ARHGAP8: variants seen among roughly 807,000 people sequenced by gnomAD.
ARHGAP8 encodes the protein Rho GTPase activating protein 8, also known as rho GTPase-activating protein 8.
Under a neutral mutation model 46.1 loss-of-function variants are expected in ARHGAP8, and 62 were observed. The ratio of observed to expected loss-of-function variants is 1.34; its 90% CI spans 1.10 to 1.66. The LOEUF (loss-of-function observed/expected upper bound fraction) is 1.66. Among genes scored for constraint, ARHGAP8 ranks in the 40% most tolerant of loss-of-function variants. ARHGAP8 has a pLI of 0.00. For synonymous variants in ARHGAP8, 375 were observed against 243.1 expected (o/e 1.54, Z -5.05); for missense variants, 923 against 568.4 (o/e 1.62, Z -6.34).
intron 2 of ARHGAP8, among the ~76,000 whole-genome samples, chr22:44,795,042 A>C (rs77858179): frequency 6.7e-6 from 1 of 148,618 alleles, no homozygotes; most frequent in African/African-American, 2.5e-5. Context: ...CTCTGTCTCA[A>C]AAAAAAAAAA....
In ARHGAP8 at chr22:44,859,717, C is replaced by A; in HGVS notation, c.878-14C>A. ...CCCCTCTGGAGCTCAGCAGGGAGCC[C>A]CATGCCCTTCCAGGTGTGGAGAGCA... On this transcript the variant is annotated splice_polypyrimidine_tract_variant and intron_variant, in intron 10 of 11. Coordinates refer to ENST00000356099, the MANE Select transcript of ARHGAP8 (RefSeq NM_181335.3). 1 of 1,612,566 alleles carries A rather than the reference C, an allele frequency of 6.2e-7. No individual in the cohort carries two copies. Among genetic ancestry groups the A allele is most frequent in the South Asian group, 1.1e-5 (1 of 91,024 alleles).
At chr22:44,837,421 C>T (rs1362270126) in intron 7 of ARHGAP8, among the ~76,000 whole-genome samples, 1 of 152,160 alleles carries the variant, frequency 6.6e-6, no homozygotes, top group African/African-American at 2.4e-5. Context: ...GTGCTCTGTG[C>T]TCCAGAGTCC....
intron 7 of ARHGAP8, among the ~76,000 whole-genome samples, chr22:44,835,522 G>A (rs1020393993): frequency 6.6e-6 from 1 of 152,188 alleles, no homozygotes; most frequent in African/African-American, 2.4e-5. Flanking sequence ...TCAGGAGGCT[G>A]AGGCAGGAGA....
chr22:44,829,082 G>T (rs1055385319), intron 7 of ARHGAP8, among the ~76,000 whole-genome samples: 2 of 141,594 alleles, frequency 1.4e-5, no homozygotes, highest in Non-Finnish European at 3.0e-5. Context: ...AGACCAGCCT[G>T]GCCGGTATGG....
chr22:44,766,594 G>A (rs1397030260), intron 1 of ARHGAP8, among the ~76,000 whole-genome samples: 1 of 152,166 alleles, frequency 6.6e-6, no homozygotes, highest in East Asian at 1.9e-4. Context: ...GTGTGTCTCT[G>A]TGTGTAAGAT....
At chr22:44,811,249 G>A (rs548549357) in intron 4 of ARHGAP8, among the ~76,000 whole-genome samples, 4 of 152,344 alleles carry the variant, frequency 2.6e-5, no homozygotes, top group Non-Finnish European at 4.4e-5. Context: ...AAATCTAGCC[G>A]GGGAGTTGGA....
chr22:44,846,562 C>G (rs2069961894), intron 8 of ARHGAP8, among the ~76,000 whole-genome samples: 1 of 152,166 alleles, frequency 6.6e-6, no homozygotes, highest in South Asian at 2.1e-4. Flanking sequence ...ACGGGGGGCA[C>G]CCCACACTGG....
intron 7 of ARHGAP8, among the ~76,000 whole-genome samples, chr22:44,827,336 G>GTTTT (rs796490147): frequency 0.25 from 16,913 of 67,034 alleles, 6,039 homozygotes; most frequent in Non-Finnish European, 0.33. Context: ...TTGGGTGGTG[G>GTTTT]TTTTTTTTTT....
intron 7 of ARHGAP8, among the ~76,000 whole-genome samples, chr22:44,826,362 A>G (rs1252437613): frequency 1.3e-5 from 2 of 152,142 alleles, no homozygotes; most frequent in African/African-American, 4.8e-5. Flanking sequence ...AATACCCTTT[A>G]TCAGCCACAT....
In ARHGAP8 at chr22:44,848,026, G is replaced by A. The variant is rs369100112; in HGVS notation, c.724G>A (p.Glu242Lys). Reference sequence around the variant, plus strand: ...ATCCGCCAGCGTGCAGACCGTCCGCGAGATCCAGAGGCTCTACAACCAAGG... The same window carrying A: ...ATCCGCCAGCGTGCAGACCGTCCGCAAGATCCAGAGGCTCTACAACCAAGG... ...RRSASVQTVR[E>K]IQRLYNQGKP... is the part of the protein sequence containing the mutation. The change falls in exon 9 of 12, where the codon GAG becomes AAG. Residue 242 changes from glutamate (E) to lysine (K), a missense_variant. Physicochemically the swap from Glu to Lys is moderately conservative, Grantham distance 56. Transcript: ENST00000356099. 9.3e-6 allele frequency: 15 copies of A among 1,607,426 alleles called. No individual in the cohort carries two copies. The highest frequency in any genetic ancestry group is 1.1e-5 in the Non-Finnish European group (13 of 1,179,960).
intron 2 of ARHGAP8, among the ~76,000 whole-genome samples, chr22:44,798,528 CGT>C (rs1928258016): frequency 2.6e-5 from 2 of 75,634 alleles, no homozygotes; most frequent in South Asian, 7.7e-4. Context: ...GGGGGACTTG[CGT>C]TTTTTTTTTT....
intron 8 of ARHGAP8, among the ~76,000 whole-genome samples, chr22:44,846,734 C>T (rs756867463): frequency 1.4e-4 from 21 of 152,300 alleles, no homozygotes; most frequent in South Asian, 4.1e-4. Context: ...GGGAGGCATT[C>T]GCTACGTGCC....
chr22:44,814,865 G>C (rs1394146770), intron 5 of ARHGAP8, 107 bp downstream of exon 5: 1 of 1,348,668 alleles, frequency 7.4e-7, no homozygotes, highest in African/African-American at 1.5e-5. Context: ...CCGTCTCCAG[G>C]GTGCCTGTGT....
chr22:44,816,803 CAAAAA>C (rs1183457228), intron 5 of ARHGAP8, among the ~76,000 whole-genome samples: 1 of 66,238 alleles, frequency 1.5e-5, no homozygotes. Flanking sequence ...GACCCTGTCT[CAAAAA>C]AAAAAAAAAA....
intron 1 of ARHGAP8, among the ~76,000 whole-genome samples, chr22:44,757,855 T>C (rs764249278): frequency 1.3e-5 from 2 of 150,046 alleles, no homozygotes; most frequent in Non-Finnish European, 3.0e-5. Context: ...GGTTTCACCA[T>C]GTTGGCCAGG....
At chr22:44,762,298 C>T (rs1359143415) in intron 1 of ARHGAP8, among the ~76,000 whole-genome samples, 1 of 151,998 alleles carries the variant, frequency 6.6e-6, no homozygotes, top group African/African-American at 2.4e-5. Context: ...AAGCCAGGTA[C>T]AGTGGTGTGC....
chr22:44,858,352 CTTGTTGGTTGGTGGTGGTT>C (rs1569184645), intron 10 of ARHGAP8, among the ~76,000 whole-genome samples: 2 of 145,512 alleles, frequency 1.4e-5, no homozygotes, highest in Non-Finnish European at 3.0e-5. Context: ...TTGGTGAATA[CTTGTTGGTTGGTGGTGGTT>C]TTTTTTTTTT....
intron 2 of ARHGAP8, among the ~76,000 whole-genome samples, chr22:44,787,628 A>T (rs150241088): frequency 9.9e-4 from 150 of 152,238 alleles, no homozygotes; most frequent in African/African-American, 3.1e-3. Flanking sequence ...TATAGGCGTG[A>T]GCCACCGTGC....
At chr22:44,811,802 T>C (rs1206945431) in intron 4 of ARHGAP8, among the ~76,000 whole-genome samples, 2 of 151,974 alleles carry the variant, frequency 1.3e-5, no homozygotes, top group Admixed American at 1.3e-4. Flanking sequence ...TCGAGACCAG[T>C]CTGGCCAACA....
Sources: gnomAD v4.1 joint callset for allele counts (sites outside exome capture counted in the v4.1 genomes callset) on GRCh38, gnomAD v4.1.1 for gene constraint, MANE v1.5 for transcripts, NCBI Gene and HGNC (gene_info 2026-07-23, HGNC 2026-07-21) for gene names.